The following GGA1 variants were observed in gnomAD, a reference collection of about 807,000 sequenced individuals.
GGA1 encodes golgi associated, gamma adaptin ear containing, ARF binding protein 1, also known as ADP-ribosylation factor-binding protein GGA1.
GGA1 carries 18 observed loss-of-function variants against 76.9 expected under a neutral mutation model. The ratio of observed to expected loss-of-function variants is 0.23; its 90% CI spans 0.16 to 0.35. The LOEUF is 0.35. Ranked by LOEUF, GGA1 falls within the 10% of genes least tolerant of loss-of-function variation. The probability of loss-of-function intolerance (pLI) is 1.00; values close to 1 mark genes in which losing one functional copy is unlikely to be tolerated. For missense variants in GGA1, 755 were observed against 859.0 expected, an observed-to-expected ratio of 0.88 and a Z score of 1.51; for synonymous variants, 342 against 354.7, an observed-to-expected ratio of 0.96 and a Z score of 0.40.
At position 37,623,847 on chromosome 22, in the gene GGA1, G is replaced by A. The variant is rs1400712374; in HGVS notation, c.832+214G>A. The A allele has an allele frequency of 1.1e-5, 6 of 551,960 alleles. No homozygotes were observed. Among genetic ancestry groups the A allele is most frequent in the Non-Finnish European group, 1.3e-5 (4 of 305,230 alleles). The allele number at this position is 551,960 out of a possible 1,614,324, so 34.2% of individuals were successfully genotyped here. On this transcript the variant is annotated intron_variant, in intron 9 of 16. Coordinates refer to ENST00000343632, the MANE Select transcript of GGA1 (RefSeq NM_013365.5). The surrounding 1 kb of genome is among the most constrained non-coding windows in gnomAD (Gnocchi z 4.6). ...GCCCTGTGGGCCAGCCCCCTTAACA[G>A]GCATCTTATTTACTACCCGCAGCTG...
Position 37,629,482 on chromosome 22 carries a change from C to A in GGA1, c.1114C>A (p.Pro372Thr), listed in dbSNP as rs200692910. ...MSLGLSDPTPPSGPSLDGTGW... is the reference protein window; with the variant it reads ...MSLGLSDPTPTSGPSLDGTGW... ...CTCAGGCCTCAGTGACCCCACACCC[C>A]CTTCAGGCCCAAGCCTGGATGGTAC... is the stretch of plus-strand genomic sequence containing the variant. Residue 372 changes from proline to threonine, a missense_variant, in exon 12 of 17, where the codon CCT (proline) becomes ACT (threonine). Physicochemically the swap from Pro to Thr is conservative, Grantham distance 38. Transcript: ENST00000343632. The A allele has an allele frequency of 5.0e-6, 8 of 1,591,520 alleles. No homozygotes were observed. The highest frequency in any genetic ancestry group is 4.6e-5 in the South Asian group (4 of 87,652).
chr22:37,614,331 G>A (rs548924374), intron 2 of GGA1, 57 bp downstream of exon 2: 13 of 1,214,246 alleles, frequency 1.1e-5, no homozygotes, highest in African/African-American at 1.5e-5. Context: ...ACCCAGTCTC[G>A]GGTACAATGG....
At chr22:37,629,029 C>T (rs1931325477) in intron 11 of GGA1, among the ~76,000 whole-genome samples, 1 of 152,242 alleles carries the variant, frequency 6.6e-6, no homozygotes, top group African/African-American at 2.4e-5. Flanking sequence ...TCAGCCAGCA[C>T]AGTGCCTAGC....
intron 14 of GGA1, among the ~76,000 whole-genome samples, chr22:37,631,321 CAAG>C (rs1218896557): frequency 6.6e-6 from 1 of 152,216 alleles, no homozygotes; most frequent in East Asian, 1.9e-4. Context: ...CTTATATAAG[CAAG>C]AAGACCTCTA....
intron 7 of GGA1, among the ~76,000 whole-genome samples, chr22:37,621,960 A>T (rs1236405143): frequency 6.6e-6 from 1 of 152,106 alleles, no homozygotes; most frequent in Non-Finnish European, 1.5e-5. Flanking sequence ...ATATTTTTAA[A>T]AATACTAAGT....
chr22:37,611,642 G>A (rs1927603009), intron 1 of GGA1, among the ~76,000 whole-genome samples: 1 of 152,186 alleles, frequency 6.6e-6, no homozygotes, highest in Non-Finnish European at 1.5e-5. Context: ...GCCCAGGGCA[G>A]GCGCCACATG....
intron 7 of GGA1, among the ~76,000 whole-genome samples, chr22:37,622,968 C>G (rs776012455): frequency 3.3e-5 from 5 of 152,238 alleles, no homozygotes; most frequent in South Asian, 2.1e-4. Context: ...GTACAGGAAC[C>G]TCCTTTGAAA....
intron 13 of GGA1, 199 bp downstream of exon 13, chr22:37,630,369 T>TC (rs1157557306): frequency 5.7e-6 from 3 of 526,582 alleles, no homozygotes; most frequent in African/African-American, 5.1e-5. Flanking sequence ...TGGCCTGGCC[T>TC]CCCCCCAGGT....
intron 11 of GGA1, 162 bp downstream of exon 11, chr22:37,626,111 C>CG (rs1208399888): frequency 2.1e-5 from 10 of 480,172 alleles, no homozygotes; most frequent in Admixed American, 4.0e-5. Context: ...AACTGAGGCT[C>CG]GGGGAAGTTA....
At chr22:37,621,799 G>A in intron 7 of GGA1, 103 bp downstream of exon 7, 2 of 741,404 alleles carry the variant, frequency 2.7e-6, no homozygotes, top group Non-Finnish European at 4.5e-6. Context: ...GAGCCCTGCA[G>A]TGACCCGGGC....
Position 37,623,498 on chromosome 22 carries a change from C to G in GGA1, c.750+31C>G. Reference sequence around the variant, plus strand: ...CCTGCCTCCCTGCCTACCCCACTCCCTGCCCACTCCACAGCCCACGCGGAC... The same window carrying G: ...CCTGCCTCCCTGCCTACCCCACTCCGTGCCCACTCCACAGCCCACGCGGAC... On this transcript the variant is annotated intron_variant, in intron 8 of 16. Transcript: ENST00000343632. The surrounding 1 kb of genome is among the most constrained non-coding windows in gnomAD (Gnocchi z 4.6). 1.2e-6 allele frequency: 2 copies of G among 1,613,392 alleles called. No individual in the cohort carries two copies. The highest frequency in any genetic ancestry group is 2.7e-5 in the African/African-American group (2 of 75,042).
intron 1 of GGA1, among the ~76,000 whole-genome samples, chr22:37,613,576 T>A (rs1192693018): frequency 1.3e-5 from 2 of 152,010 alleles, no homozygotes; most frequent in Non-Finnish European, 2.9e-5. Context: ...AATTTTTGTA[T>A]TTTTAGTAGA....
At chr22:37,611,285 C>T (rs377707608) in intron 1 of GGA1, among the ~76,000 whole-genome samples, 31 of 152,246 alleles carry the variant, frequency 2.0e-4, no homozygotes, top group East Asian at 1.9e-3. Context: ...AGAGAACATT[C>T]GTCCTTCCGA....
chr22:37,620,298 T>C lies in GGA1; in HGVS notation c.364T>C (p.Trp122Arg). 1 of 1,613,868 alleles carries C rather than the reference T, an allele frequency of 6.2e-7. No homozygotes were observed. Among genetic ancestry groups the C allele is most frequent in the Non-Finnish European group, 8.5e-7 (1 of 1,179,846 alleles). The change falls in exon 5 of 17, where the codon TGG (tryptophan) becomes CGG (arginine). Residue 122 changes from tryptophan (W) to arginine (R), a missense_variant. Transcript: ENST00000343632. ...CAAGATCTTGGAGCTCCTCTACAGC[T>C]GGACAGTGGGCCTGCCCGAGGAGGT... is the stretch of plus-strand genomic sequence containing the variant. Reference protein sequence around the residue: ...KNKILELLYSWTVGLPEEVKI... With the variant: ...KNKILELLYSRTVGLPEEVKI...
chr22:37,623,016 C>G lies in GGA1; in HGVS notation c.610-311C>G, dbSNP rs1930171687. Among the ~76,000 whole-genome samples the G allele has an allele frequency of 1.3e-5, 2 of 152,226 alleles. No homozygotes were observed. Among genetic ancestry groups the G allele is most frequent in the South Asian group, 4.1e-4 (2 of 4,834 alleles). ...GGAGGGCAAGAGTCACTGAGAACCA[C>G]AGTGGAGGTCTAGGGCCCTGGGCCT... On this transcript the variant is annotated intron_variant, in intron 7 of 16. Coordinates refer to ENST00000343632, the MANE Select transcript of GGA1 (RefSeq NM_013365.5). The surrounding 1 kb of genome is among the most constrained non-coding windows in gnomAD (Gnocchi z 4.6).
chr22:37,617,499 C>A, intron 3 of GGA1: 1 of 991,674 alleles, frequency 1.0e-6, no homozygotes, highest in Non-Finnish European at 1.2e-6. Flanking sequence ...TGGAGCAAAG[C>A]TGATTTTAAG....
chr22:37,611,355 C>G (rs1313332435), intron 1 of GGA1, among the ~76,000 whole-genome samples: 1 of 151,602 alleles, frequency 6.6e-6, no homozygotes, highest in Admixed American at 6.6e-5. Context: ...CAGAGCCCTC[C>G]GAAAGCCCTC....
chr22:37,623,300 A>G lies in GGA1; in HGVS notation c.610-27A>G, dbSNP rs1237678708. Reference sequence around the variant, plus strand: ...TGCCTCGTCCAGGCCAAAGGTTCTCAGGGGCCCTTGGCCAATGTGTCCCCA... The same window carrying G: ...TGCCTCGTCCAGGCCAAAGGTTCTCGGGGGCCCTTGGCCAATGTGTCCCCA... On this transcript the variant is annotated intron_variant, in intron 7 of 16. Coordinates refer to ENST00000343632, the MANE Select transcript of GGA1 (RefSeq NM_013365.5). This position sits in a 1 kb window ranked among gnomAD's most constrained non-coding sequence, Gnocchi z 4.6. 2 of 1,611,254 alleles carry G rather than the reference A, an allele frequency of 1.2e-6. No individual in the cohort carries two copies. Among genetic ancestry groups the G allele is most frequent in the Non-Finnish European group, 1.7e-6 (2 of 1,177,644 alleles).
rs1414856850 is a variant in GGA1 at position 37,632,292 on chromosome 22, CAGA to C, written c.1699-110_1699-108del. ...GCTGGGTGGTTGGTGTAGAAGGGAC[CAGA>C]AGGACTGAGCCCCAGGATCCCCGGA... On this transcript the variant is annotated intron_variant, in intron 15 of 16. Transcript: ENST00000343632. The surrounding 1 kb of genome is among the most constrained non-coding windows in gnomAD (Gnocchi z 5.1). 2 of 1,297,686 alleles carry C rather than the reference CAGA, an allele frequency of 1.5e-6. No individual in the cohort carries two copies. The highest frequency in any genetic ancestry group is 1.1e-6 in the Non-Finnish European group (1 of 909,616). The allele number at this position is 1,297,686 out of a possible 1,614,324, so 80.4% of individuals were successfully genotyped here.
Sources: gnomAD v4.1 joint callset for allele counts (sites outside exome capture counted in the v4.1 genomes callset) on GRCh38, gnomAD v4.1.1 for gene constraint, Gnocchi (gnomAD v3.1) non-coding constraint, MANE v1.5 for transcripts, NCBI Gene and HGNC (gene_info 2026-07-23, HGNC 2026-07-21) for gene names.